The following OTOGL variants were observed in gnomAD, a reference collection of about 807,000 sequenced individuals.
OTOGL encodes otogelin like.
OTOGL carries 285 observed loss-of-function variants against 318.5 expected under a neutral mutation model. The observed-to-expected ratio is 0.89, with a 90% CI of 0.81 to 0.99. The LOEUF (loss-of-function observed/expected upper bound fraction) is 0.99. OTOGL is among the 50% of genes least tolerant of loss of function. OTOGL has a pLI of 0.00. For synonymous variants in OTOGL, 987 were observed against 936.5 expected (o/e 1.05, Z -0.99); for missense variants, 2,899 against 2,845.6 (o/e 1.02, Z -0.43).
At chr12:80,228,918 C>T (rs367622338) in intron 7 of OTOGL, among the ~76,000 whole-genome samples, 14 of 152,098 alleles carry the variant, frequency 9.2e-5, no homozygotes, top group African/African-American at 2.2e-4. Context: ...GTAAAAAATA[C>T]GGATGACAAA....
At chr12:80,277,634 A>G (rs1883910066) in intron 24 of OTOGL, among the ~76,000 whole-genome samples, 1 of 151,500 alleles carries the variant, frequency 6.6e-6, no homozygotes, top group African/African-American at 2.4e-5. Context: ...TAAATAAGAA[A>G]CAATGTGAAA....
At chr12:80,373,762 C>T (rs906995200) in intron 57 of OTOGL, among the ~76,000 whole-genome samples, 3 of 151,714 alleles carry the variant, frequency 2.0e-5, no homozygotes, top group East Asian at 1.9e-4. Flanking sequence ...CACTTAGTGG[C>T]GTTAAATAAT....
chr12:80,115,798 G>C (rs1257739273), intron 1 of OTOGL, among the ~76,000 whole-genome samples: 1 of 152,182 alleles, frequency 6.6e-6, no homozygotes, highest in Non-Finnish European at 1.5e-5. Context: ...CCTTTGCTGA[G>C]CAGTGGTGGG....
chr12:80,259,417 A>T (rs892728664), intron 18 of OTOGL, among the ~76,000 whole-genome samples: 1 of 151,896 alleles, frequency 6.6e-6, no homozygotes, highest in South Asian at 2.1e-4. Context: ...CTGAATGTGC[A>T]GGTTTGTTAC....
chr12:80,239,060 G>T, intron 10 of OTOGL, 82 bp downstream of exon 10: 2 of 1,375,110 alleles, frequency 1.5e-6, no homozygotes, highest in Non-Finnish European at 1.9e-6. Context: ...GCATTTTTTA[G>T]TGTAAACACA....
At position 80,252,144 on chromosome 12, in the gene OTOGL, G is replaced by T; in HGVS notation, c.1228G>T (p.Glu410Ter). 6.3e-7 allele frequency: 1 copy of T among 1,582,874 alleles called. No homozygotes were observed. Among genetic ancestry groups the T allele is most frequent in the Non-Finnish European group, 8.6e-7 (1 of 1,162,502 alleles). ...TTGTTGTCCACCAACCTGCACATTT[G>T]AGAAGCAATGTCTTGGGAGCAATCT... is the stretch of plus-strand genomic sequence containing the variant. ...ISCCPPTCTF[E>*]KQCLGSNLHC... Residue 410 changes from glutamate to a stop codon, truncating the protein, a stop_gained, in exon 13 of 59, where the codon GAG (glutamate) becomes TAG (stop). Coordinates refer to ENST00000547103, the MANE Select transcript of OTOGL (RefSeq NM_001378609.3). LOFTEE classifies it high-confidence loss of function.
At chr12:80,349,824 TTGTA>T (rs1227310616) in intron 44 of OTOGL, among the ~76,000 whole-genome samples, 3 of 152,174 alleles carry the variant, frequency 2.0e-5, no homozygotes, top group Non-Finnish European at 4.4e-5. Context: ...ACAGATAAAA[TTGTA>T]TGTGTTTACT....
chr12:80,249,239 C>T (rs1881231735), intron 11 of OTOGL, among the ~76,000 whole-genome samples: 1 of 150,178 alleles, frequency 6.7e-6, no homozygotes, highest in Non-Finnish European at 1.5e-5. Context: ...AGGAGAGGCG[C>T]TCTGCGTTTT....
At chr12:80,128,835 G>A (rs1465515326) in intron 1 of OTOGL, among the ~76,000 whole-genome samples, 1 of 152,230 alleles carries the variant, frequency 6.6e-6, no homozygotes, top group East Asian at 1.9e-4. Flanking sequence ...AGGACCCTCT[G>A]AGCCAGGTGC....
chr12:80,111,191 A>G (rs1016333387), intron 1 of OTOGL, among the ~76,000 whole-genome samples: 1 of 152,132 alleles, frequency 6.6e-6, no homozygotes, highest in Non-Finnish European at 1.5e-5. Context: ...ATTTTCTCGC[A>G]TTCTGTAGGT....
At chr12:80,103,229 G>A in intron 1 of OTOGL, 1 of 1,456,560 alleles carries the variant, frequency 6.9e-7, no homozygotes, top group Non-Finnish European at 9.6e-7. Context: ...TCAGCTCTTT[G>A]GAAAGAAGGG....
At chr12:80,305,323 A>G (rs1017872519) in intron 28 of OTOGL, among the ~76,000 whole-genome samples, 1 of 152,192 alleles carries the variant, frequency 6.6e-6, no homozygotes, top group Non-Finnish European at 1.5e-5. Context: ...AGTTGTATTA[A>G]TGCTAAGACA....
chr12:80,284,939 TGAAG>T lies in OTOGL; in HGVS notation c.2928+5775_2928+5778del, dbSNP rs201272756. ...GCAATTGCTTTTGGTGTTTTAGTCA[TGAAG>T]GCTTTGCTCATGCCCATGTCCTGAA... On this transcript the variant is annotated intron_variant, in intron 26 of 58. Transcript: ENST00000547103. 2.3e-3 allele frequency among the ~76,000 whole-genome samples: 345 copies of T among 152,328 alleles called. 9 individuals carry two copies. In the East Asian group the frequency reaches 0.058, roughly 26 times the overall value.
chr12:80,259,575 C>T (rs988559495), intron 18 of OTOGL, among the ~76,000 whole-genome samples: 19 of 152,044 alleles, frequency 1.2e-4, no homozygotes, highest in African/African-American at 4.6e-4. Flanking sequence ...ATACTCCCCT[C>T]TCTGTGTCCA....
intron 35 of OTOGL, among the ~76,000 whole-genome samples, chr12:80,326,164 C>G (rs1010147852): frequency 6.6e-6 from 1 of 152,078 alleles, no homozygotes; most frequent in African/African-American, 2.4e-5. Context: ...GCCCCTGTGC[C>G]CCCTCCTCCA....
Position 80,255,307 on chromosome 12 carries a change from T to C in OTOGL, c.1587+122T>C. 9.0e-6 allele frequency: 9 copies of C among 995,598 alleles called. No homozygotes were observed. In the Admixed American group the frequency reaches 1.6e-4, roughly 17 times the overall value. 61.7% of individuals were successfully genotyped at this position (995,598 alleles called of 1,614,324 possible). A position where few individuals can be genotyped will look rare whatever the true frequency, so the allele number is the denominator to read the frequency against. ...TATTTTCCTTAACACTAAGATGACA[T>C]TGATTATTAAGATACATCATTATTC... On this transcript the variant is annotated intron_variant, in intron 16 of 58. Coordinates refer to ENST00000547103, the MANE Select transcript of OTOGL (RefSeq NM_001378609.3).
intron 1 of OTOGL, among the ~76,000 whole-genome samples, chr12:80,121,379 T>G (rs536553110): frequency 4.4e-4 from 67 of 152,214 alleles, no homozygotes; most frequent in Non-Finnish European, 6.3e-4. Flanking sequence ...AGCTCCTCCT[T>G]CAGATATTTT....
In OTOGL at chr12:80,246,180, C is replaced by G. The variant is rs985637387; in HGVS notation, c.1053-5513C>G. On this transcript the variant is annotated intron_variant, in intron 11 of 58. Coordinates refer to ENST00000547103, the MANE Select transcript of OTOGL (RefSeq NM_001378609.3). ...TCCTTCTCCTGCCTGATTGCCCTGG[C>G]CAGAACTTCCAACACTATGTTGAAT... Among the ~76,000 whole-genome samples the G allele has an allele frequency of 9.3e-5, 14 of 150,660 alleles. 1 individual carries two copies. In the South Asian group the frequency reaches 2.3e-3, roughly 25 times the overall value.
chr12:80,199,236 C>A (rs923436863), intron 1 of OTOGL, among the ~76,000 whole-genome samples: 4 of 152,190 alleles, frequency 2.6e-5, no homozygotes, highest in African/African-American at 7.2e-5. Context: ...TTTCCTCAAA[C>A]CTACCATGCT....
Sources: gnomAD v4.1 joint callset for allele counts (sites outside exome capture counted in the v4.1 genomes callset) on GRCh38, gnomAD v4.1.1 for gene constraint, MANE v1.5 for transcripts, NCBI Gene and HGNC (gene_info 2026-07-23, HGNC 2026-07-21) for gene names.